CACNA2D3: variants seen among roughly 807,000 people sequenced by gnomAD.
CACNA2D3 encodes voltage-dependent calcium channel subunit alpha-2/delta-3.
A neutral mutation model predicts 160.6 loss-of-function variants in CACNA2D3; 60 were observed. The ratio of observed to expected loss-of-function variants is 0.37; its 90% confidence interval spans 0.30 to 0.46. The LOEUF (loss-of-function observed/expected upper bound fraction) is 0.46, where lower values mean the gene tolerates loss of function less well. Among genes scored for constraint, CACNA2D3 ranks in the 20% least tolerant of loss-of-function variants. The pLI is 1.00. For missense variants in CACNA2D3, 1,205 were observed against 1,365.0 expected, an observed-to-expected ratio of 0.88 and a Z score of 1.85; for synonymous variants, 558 against 492.9, an observed-to-expected ratio of 1.13 and a Z score of -1.75.
chr3:54,385,143 A>G (rs1425585153), intron 3 of CACNA2D3, among the ~76,000 whole-genome samples: 1 of 152,184 alleles, frequency 6.6e-6, no homozygotes, highest in African/African-American at 2.4e-5. Context: ...CTCAAACTTT[A>G]GTGGCATCAG....
chr3:54,995,851 T>G (rs928801680), intron 31 of CACNA2D3, among the ~76,000 whole-genome samples: 39 of 152,292 alleles, frequency 2.6e-4, no homozygotes, highest in African/African-American at 8.9e-4. Context: ...GTCCTCTGGC[T>G]TCCTCTGATA....
intron 3 of CACNA2D3, among the ~76,000 whole-genome samples, chr3:54,323,750 G>A (rs1704062164): frequency 1.3e-5 from 2 of 152,184 alleles, no homozygotes; most frequent in South Asian, 2.1e-4. Context: ...ACAGGCGTGA[G>A]CCACCGTGCT....
intron 2 of CACNA2D3, among the ~76,000 whole-genome samples, chr3:54,295,439 A>G (rs1439140844): frequency 6.6e-6 from 1 of 152,194 alleles, no homozygotes; most frequent in Non-Finnish European, 1.5e-5. Flanking sequence ...TGCCCAAGGT[A>G]GTCGGGGCAC....
Position 54,726,124 on chromosome 3 carries a change from A to G in CACNA2D3, c.1168-26475A>G, listed in dbSNP as rs540398604. Among the ~76,000 whole-genome samples, 7 of 152,294 alleles carry G rather than the reference A, an allele frequency of 4.6e-5. No homozygotes were observed. In the East Asian group the frequency reaches 1.4e-3, roughly 29 times the overall value. On this transcript the variant is annotated intron_variant, in intron 11 of 37. Coordinates refer to ENST00000474759, the MANE Select transcript of CACNA2D3 (RefSeq NM_018398.3). Reference sequence around the variant, plus strand: ...CATTCCTATACACCAATAATAGACAAACAGAGAGCCAAATCATGAGTGAAC... The same window carrying G: ...CATTCCTATACACCAATAATAGACAGACAGAGAGCCAAATCATGAGTGAAC...
intron 4 of CACNA2D3, among the ~76,000 whole-genome samples, chr3:54,487,790 A>G (rs142250228): frequency 5.1e-4 from 77 of 152,378 alleles, no homozygotes; most frequent in African/African-American, 1.7e-3. Context: ...AGTAAAATTA[A>G]TTAAAATGAA....
rs1233871646 is a variant in CACNA2D3 at position 54,871,200 on chromosome 3, C to CAG, written c.1627-338_1627-337insGA. ...AGGTGGAGACACACACACACACACA[C>CAG]ACACACACACACACACACACACACC... On this transcript the variant is annotated intron_variant, in intron 17 of 37. Transcript: ENST00000474759. 1.4e-3 allele frequency among the ~76,000 whole-genome samples: 134 copies of CAG among 94,142 alleles called. 1 individual carries two copies. In the East Asian group the frequency reaches 0.039, roughly 27 times the overall value. 61.8% of individuals were successfully genotyped at this position (94,142 alleles called of 152,430 possible).
At chr3:54,528,226 T>C (rs1295312742) in intron 5 of CACNA2D3, among the ~76,000 whole-genome samples, 1 of 151,674 alleles carries the variant, frequency 6.6e-6, no homozygotes, top group Admixed American at 6.6e-5. Context: ...ACAGCCCTGA[T>C]ACTTAACAGT....
intron 2 of CACNA2D3, among the ~76,000 whole-genome samples, chr3:54,319,226 G>A (rs1703937235): frequency 6.6e-6 from 1 of 150,794 alleles, no homozygotes; most frequent in South Asian, 2.1e-4. Context: ...AGGAGAAACT[G>A]AGCCTCCCAA....
At chr3:54,346,997 A>C (rs2107529791) in intron 3 of CACNA2D3, among the ~76,000 whole-genome samples, 1 of 152,364 alleles carries the variant, frequency 6.6e-6, no homozygotes, top group Admixed American at 6.5e-5. Flanking sequence ...ATGCATTTAT[A>C]ATGGGTTTAG....
At chr3:54,160,796 C>T (rs185703441) in intron 2 of CACNA2D3, among the ~76,000 whole-genome samples, 3 of 152,282 alleles carry the variant, frequency 2.0e-5, no homozygotes, top group East Asian at 3.9e-4. Flanking sequence ...CACTCATTAA[C>T]CAATTTGTAA....
At chr3:54,423,110 A>G (rs904964018) in intron 4 of CACNA2D3, among the ~76,000 whole-genome samples, 8 of 152,204 alleles carry the variant, frequency 5.3e-5, no homozygotes, top group Non-Finnish European at 1.2e-4. Flanking sequence ...GAAACTGATC[A>G]TATATATTTT....
chr3:55,009,192 T>A (rs1214653880), intron 33 of CACNA2D3, among the ~76,000 whole-genome samples, 196 bp from the exon 34 acceptor site: 1 of 152,220 alleles, frequency 6.6e-6, no homozygotes, highest in African/African-American at 2.4e-5. Context: ...AACCTGGCTT[T>A]AGGGATAAAA....
chr3:54,405,613 G>T (rs1461575523), intron 4 of CACNA2D3, among the ~76,000 whole-genome samples: 1 of 151,950 alleles, frequency 6.6e-6, no homozygotes, highest in Non-Finnish European at 1.5e-5. Flanking sequence ...CCATAAAACT[G>T]CTAGAAGAAA....
intron 11 of CACNA2D3, among the ~76,000 whole-genome samples, chr3:54,668,449 G>A (rs1700105995): frequency 6.6e-6 from 1 of 152,196 alleles, no homozygotes; most frequent in African/African-American, 2.4e-5. Flanking sequence ...CTCCGCCATT[G>A]TTCAAGGAAG....
At chr3:54,577,179 C>T (rs143163091) in intron 8 of CACNA2D3, among the ~76,000 whole-genome samples, 1 of 152,130 alleles carries the variant, frequency 6.6e-6, no homozygotes, top group African/African-American at 2.4e-5. Flanking sequence ...GCAAACTTAG[C>T]CAGTGTTTTA....
At chr3:54,273,741 C>T (rs1702673762) in intron 2 of CACNA2D3, among the ~76,000 whole-genome samples, 1 of 152,188 alleles carries the variant, frequency 6.6e-6, no homozygotes, top group African/African-American at 2.4e-5. Flanking sequence ...GATTCTTCCT[C>T]CTTTCTTACA....
intron 13 of CACNA2D3, among the ~76,000 whole-genome samples, chr3:54,815,435 T>G (rs371611009): frequency 1.1e-4 from 16 of 152,348 alleles, no homozygotes; most frequent in African/African-American, 3.4e-4. Context: ...AGCCCTGGTC[T>G]TCTTTTATCA....
chr3:54,437,365 G>T (rs984756648), intron 4 of CACNA2D3, among the ~76,000 whole-genome samples: 5 of 152,196 alleles, frequency 3.3e-5, no homozygotes, highest in Admixed American at 3.3e-4. Flanking sequence ...CTTGTTGAAG[G>T]CTCCTTCATT....
Position 54,973,562 on chromosome 3 carries a change from C to T in CACNA2D3, c.2556+3718C>T, listed in dbSNP as rs1457697872. Among the ~76,000 whole-genome samples, 3 of 152,114 alleles carry T rather than the reference C, an allele frequency of 2.0e-5. No homozygotes were observed. The East Asian group carries it at 5.8e-4, about 29-fold the overall frequency. ...CTTTTCTAAGGCTTGTAGGCATTTCCTCTGGCATCAGAAAGACCTGCTTGA... is the reference window on the plus strand; with the variant it reads ...CTTTTCTAAGGCTTGTAGGCATTTCTTCTGGCATCAGAAAGACCTGCTTGA... On this transcript the variant is annotated intron_variant, in intron 29 of 37. Coordinates refer to ENST00000474759, the MANE Select transcript of CACNA2D3 (RefSeq NM_018398.3).
Sources: gnomAD v4.1 joint callset for allele counts (sites outside exome capture counted in the v4.1 genomes callset) on GRCh38, gnomAD v4.1.1 for gene constraint, MANE v1.5 for transcripts, NCBI Gene and HGNC (gene_info 2026-07-23, HGNC 2026-07-21) for gene names.